Variants in EPB41L4B observed in about 807,000 individuals in gnomAD.
EPB41L4B encodes band 4.1-like protein 4B.
In EPB41L4B, 30 loss-of-function variants were observed where a neutral mutation model predicts 112.5. The ratio of observed to expected loss-of-function variants is 0.27; its 90% CI spans 0.20 to 0.36. The LOEUF (loss-of-function observed/expected upper bound fraction) is 0.36, where lower values mean the gene tolerates loss of function less well. Ranked by LOEUF, EPB41L4B falls within the 10% of genes least tolerant of loss-of-function variation. EPB41L4B has a pLI of 1.00. For synonymous variants in EPB41L4B, 408 were observed against 439.7 expected, an observed-to-expected ratio of 0.93 and a Z score of 0.90; for missense variants, 1,024 against 1,133.3, an observed-to-expected ratio of 0.90 and a Z score of 1.38.
chr9:109,235,694 G>T (rs1247956900), intron 15 of EPB41L4B, among the ~76,000 whole-genome samples: 1 of 152,114 alleles, frequency 6.6e-6, no homozygotes, highest in African/African-American at 2.4e-5. Flanking sequence ...CACCACGCCC[G>T]GCCTTGAGCT....
chr9:109,232,441 G>GC (rs1833986490), intron 15 of EPB41L4B, among the ~76,000 whole-genome samples: 1 of 151,976 alleles, frequency 6.6e-6, no homozygotes, highest in Non-Finnish European at 1.5e-5. Flanking sequence ...TTATATGAGA[G>GC]ACCCCAAAGG....
At chr9:109,267,572 G>C (rs746509414) in intron 3 of EPB41L4B, 21 bp from the exon 4 acceptor site, 1 of 1,509,644 alleles carries the variant, frequency 6.6e-7, no homozygotes, top group African/African-American at 1.4e-5. Flanking sequence ...GGAGATGGAA[G>C]GTTGAAGATG....
At chr9:109,313,426 G>A (rs1837495623) in intron 1 of EPB41L4B, among the ~76,000 whole-genome samples, 1 of 152,054 alleles carries the variant, frequency 6.6e-6, no homozygotes, top group Admixed American at 6.5e-5. Context: ...GAGGGATTAG[G>A]GTGGTGGGGG....
intron 15 of EPB41L4B, among the ~76,000 whole-genome samples, chr9:109,233,369 C>G (rs911590616): frequency 2.0e-5 from 3 of 152,004 alleles, no homozygotes; most frequent in East Asian, 1.9e-4. Context: ...ATCTAAGAAG[C>G]CTGAGTGGAA....
intron 2 of EPB41L4B, among the ~76,000 whole-genome samples, chr9:109,272,297 CTT>C (rs2119102414): frequency 6.6e-6 from 1 of 152,052 alleles, no homozygotes; most frequent in East Asian, 1.9e-4. Context: ...TCTCTATAAA[CTT>C]TTCTTTTTTA....
At chr9:109,253,026 C>G (rs1834852213) in intron 12 of EPB41L4B, among the ~76,000 whole-genome samples, 1 of 152,136 alleles carries the variant, frequency 6.6e-6, no homozygotes, top group South Asian at 2.1e-4. Flanking sequence ...TCTAAAAGTT[C>G]TTCATGTACT....
chr9:109,195,335 A>T (rs1388452810), intron 20 of EPB41L4B, among the ~76,000 whole-genome samples: 2 of 152,236 alleles, frequency 1.3e-5, no homozygotes, highest in Non-Finnish European at 2.9e-5. Context: ...CCACGTGGGA[A>T]CATGAGGCCG....
chr9:109,238,215 C>T (rs920882672), intron 15 of EPB41L4B, among the ~76,000 whole-genome samples: 1 of 152,180 alleles, frequency 6.6e-6, no homozygotes, highest in Admixed American at 6.5e-5. Flanking sequence ...TAGCGCAGAT[C>T]AATGTCTACC....
At chr9:109,192,406 T>C (rs767861637) in intron 21 of EPB41L4B, 51 bp from the exon 22 acceptor site, 1 of 1,423,304 alleles carries the variant, frequency 7.0e-7, no homozygotes, top group African/African-American at 1.4e-5. Flanking sequence ...GCATTGATGA[T>C]AAAGTTCACC....
At chr9:109,201,474 A>T (rs1832828861) in intron 19 of EPB41L4B, among the ~76,000 whole-genome samples, 1 of 151,936 alleles carries the variant, frequency 6.6e-6, no homozygotes, top group Non-Finnish European at 1.5e-5. Context: ...AAGAAAAAAA[A>T]AGTATGTTGA....
Position 109,217,060 on chromosome 9 carries a change from C to T in EPB41L4B, c.1495G>A (p.Ala499Thr), listed in dbSNP as rs907127418. The T allele has an allele frequency of 1.4e-5, 23 of 1,614,052 alleles. No homozygotes were observed. The highest frequency in any genetic ancestry group is 5.3e-5 in the African/African-American group (4 of 74,914). Residue 499 changes from alanine to threonine, a missense_variant, in exon 16 of 26, where the codon GCA becomes ACA. Ala to Thr is a moderately conservative substitution (Grantham distance 58). Transcript: ENST00000374566. ...TGGTGGTGATGCCTTCCTGAAGCTG[C>T]GGTGAGGAACGGTGTGCCCCCATTC... is the stretch of plus-strand genomic sequence containing the variant. ...EENGGTPFLT[A>T]ASGRHHHQHQ...
At position 109,230,646 on chromosome 9, in the gene EPB41L4B, A is replaced by G. The variant is rs550112743; in HGVS notation, c.1409+12972T>C. 2.2e-4 allele frequency among the ~76,000 whole-genome samples: 34 copies of G among 152,344 alleles called. No individual in the cohort carries two copies. In the South Asian group the frequency reaches 6.8e-3, roughly 31 times the overall value. On this transcript the variant is annotated intron_variant, in intron 15 of 25. Transcript: ENST00000374566. ...ACATGTTCTTATTGAATTCAGGGAA[A>G]GCATACTATTTGGCAACAAGTAGAG...
At chr9:109,184,614 A>G (rs559822224) in intron 23 of EPB41L4B, among the ~76,000 whole-genome samples, 1 of 152,378 alleles carries the variant, frequency 6.6e-6, no homozygotes, top group South Asian at 2.1e-4. Flanking sequence ...ATAGATTTCA[A>G]CAATTACACT....
chr9:109,304,564 AGCAGGACAGT>A (rs2119233994), intron 1 of EPB41L4B, among the ~76,000 whole-genome samples: 1 of 152,294 alleles, frequency 6.6e-6, no homozygotes, highest in East Asian at 1.9e-4. Flanking sequence ...AGCAGACACC[AGCAGGACAGT>A]GCAGGGGCCA....
intron 18 of EPB41L4B, 49 bp from the exon 19 acceptor site, chr9:109,203,779 CA>C: frequency 1.3e-6 from 2 of 1,485,294 alleles, no homozygotes; most frequent in South Asian, 1.2e-5. Flanking sequence ...TGTTGGCATG[CA>C]AAAAATGTTT....
In EPB41L4B at chr9:109,216,945, T is replaced by C. The variant is rs1238949678; in HGVS notation, c.1610A>G (p.Asn537Ser). 6.2e-7 allele frequency: 1 copy of C among 1,614,044 alleles called. No homozygotes were observed. Among genetic ancestry groups the C allele is most frequent in the African/African-American group, 1.3e-5 (1 of 75,028 alleles). ...ENKEGPLRSP[N>S]SSSKSLTKLS... ...ACTTGTAAGGGACTTGCTGCTGGAG[T>C]TTGGGGACCTCAGAGGCCCCTCTTT... Residue 537 changes from asparagine to serine, a missense_variant, in exon 16 of 26, where the codon AAC becomes AGC. By Grantham distance (46) the Asn-to-Ser change is conservative. Transcript: ENST00000374566.
chr9:109,249,544 T>C (rs1181051923), intron 13 of EPB41L4B, among the ~76,000 whole-genome samples: 1 of 151,082 alleles, frequency 6.6e-6, no homozygotes, highest in Non-Finnish European at 1.5e-5. Context: ...GTTCCCAATA[T>C]ATAATCTCCA....
Position 109,302,284 on chromosome 9 carries a change from G to A in EPB41L4B, c.306+17857C>T, listed in dbSNP as rs75603709. Among the ~76,000 whole-genome samples the A allele has an allele frequency of 4.4e-3, 662 of 152,102 alleles. 8 individuals are homozygous for A. The highest frequency in any genetic ancestry group is 0.015 in the African/African-American group (613 of 41,514). On this transcript the variant is annotated intron_variant, in intron 1 of 25. Transcript: ENST00000374566. ...AAATGCCTGTCTCTTCATTGTTCTCGGCCTCTCCTTGGCTGGTAGATGGTC... is the reference window on the plus strand; with the variant it reads ...AAATGCCTGTCTCTTCATTGTTCTCAGCCTCTCCTTGGCTGGTAGATGGTC...
At position 109,174,454 on chromosome 9, in the gene EPB41L4B, G is replaced by A; in HGVS notation, c.*100C>T. ...AACCATGGAGACCTGGGCGAACAGA[G>A]CACACACTTGTATGCTGTGCTAGAG... On this transcript the variant is annotated 3_prime_UTR_variant, in exon 26 of 26. Transcript: ENST00000374566. 1 of 1,185,926 alleles carries A rather than the reference G, an allele frequency of 8.4e-7. No individual in the cohort carries two copies. The highest frequency in any genetic ancestry group is 1.3e-6 in the Non-Finnish European group (1 of 794,304). The allele number at this position is 1,185,926 out of a possible 1,614,324, so 73.5% of individuals were successfully genotyped here. A position where few individuals can be genotyped will look rare whatever the true frequency, so the allele number is the denominator to read the frequency against.
Sources: allele counts gnomAD v4.1 joint callset (sites outside exome capture counted in the v4.1 genomes callset), GRCh38; gene constraint gnomAD v4.1.1; transcripts MANE v1.5; gene names NCBI Gene and HGNC (gene_info 2026-07-23, HGNC 2026-07-21).